The following KIRREL1 variants were observed in gnomAD, a reference collection of about 807,000 sequenced individuals.
KIRREL1 encodes the protein kirre like nephrin family adhesion molecule 1, also known as kin of IRRE-like protein 1.
In KIRREL1, 25 loss-of-function variants were observed where a neutral mutation model predicts 83.3. The observed-to-expected ratio is 0.30, with a 90% confidence interval of 0.22 to 0.42. The LOEUF (loss-of-function observed/expected upper bound fraction) is 0.42, where lower values mean the gene tolerates loss of function less well. Ranked by LOEUF, KIRREL1 falls within the 10% of genes least tolerant of loss-of-function variation. KIRREL1 has a pLI of 1.00. For missense variants in KIRREL1, 812 were observed against 1,032.3 expected, an observed-to-expected ratio of 0.79 and a Z score of 2.92; for synonymous variants, 388 against 410.4, an observed-to-expected ratio of 0.95 and a Z score of 0.66.
intron 1 of KIRREL1, among the ~76,000 whole-genome samples, chr1:158,074,830 C>A (rs1258006254): frequency 6.6e-6 from 1 of 152,138 alleles, no homozygotes; most frequent in African/African-American, 2.4e-5. Context: ...TTTGCTTACA[C>A]ACAGGAGTGA....
intron 1 of KIRREL1, among the ~76,000 whole-genome samples, chr1:157,996,994 GGA>G (rs1469699023): frequency 6.6e-6 from 1 of 152,190 alleles, no homozygotes; most frequent in Non-Finnish European, 1.5e-5. Flanking sequence ...CAGTGAGATG[GGA>G]GGAGGAAGCC....
At chr1:158,050,319 A>G (rs1344097512) in intron 1 of KIRREL1, among the ~76,000 whole-genome samples, 1 of 151,898 alleles carries the variant, frequency 6.6e-6, no homozygotes, top group East Asian at 2.0e-4. Context: ...ATTTAATCCA[A>G]TCCTCTTATT....
At chr1:158,041,164 T>G (rs1049059364) in intron 1 of KIRREL1, among the ~76,000 whole-genome samples, 4 of 152,124 alleles carry the variant, frequency 2.6e-5, no homozygotes, top group Non-Finnish European at 4.4e-5. Flanking sequence ...GGGAACACAA[T>G]AAACTGTGGT....
Position 158,093,358 on chromosome 1 carries a change from C to T in KIRREL1, c.1491C>T (p.Ile497=). ...CGAAAGAGGTGTTACCTGTGGGCAT[C>T]ATAGCTGGGGCCACCATCGGCGCGA... The part of the protein sequence containing the change: ...LEEREVLPVG[I]IAGATIGASI... The change falls in exon 12 of 15, where the codon ATC becomes ATT. Residue 497 remains isoleucine, a synonymous_variant. Coordinates refer to ENST00000359209, the MANE Select transcript of KIRREL1 (RefSeq NM_018240.7). The T allele has an allele frequency of 6.2e-7, 1 of 1,614,214 alleles. No individual in the cohort carries two copies. The highest frequency in any genetic ancestry group is 1.7e-5 in the Admixed American group (1 of 60,028).
chr1:158,067,058 TC>T (rs1428940708), intron 1 of KIRREL1, among the ~76,000 whole-genome samples: 2 of 152,164 alleles, frequency 1.3e-5, no homozygotes, highest in Admixed American at 1.3e-4. Flanking sequence ...CATAGAGCTG[TC>T]CTACTAGGTC....
rs540698449 is a variant in KIRREL1 at position 158,011,763 on chromosome 1, C to T, written c.52+18035C>T. Among the ~76,000 whole-genome samples the T allele has an allele frequency of 9.9e-5, 15 of 152,124 alleles. No individual in the cohort carries two copies. The South Asian group carries it at 2.3e-3, about 23-fold the overall frequency. Reference sequence around the variant, plus strand: ...GTGGAGAGGTGATTGGTGGGAGGACCGGAGGGCAGCAGTGGGGGAAGGAGC... The same window carrying T: ...GTGGAGAGGTGATTGGTGGGAGGACTGGAGGGCAGCAGTGGGGGAAGGAGC... On this transcript the variant is annotated intron_variant, in intron 1 of 14. Coordinates refer to ENST00000359209, the MANE Select transcript of KIRREL1 (RefSeq NM_018240.7).
chr1:158,093,264 C>T, intron 11 of KIRREL1, 75 bp from the exon 12 acceptor site: 2 of 1,268,984 alleles, frequency 1.6e-6, no homozygotes, highest in South Asian at 2.5e-5. Context: ...TGTGGCCTAG[C>T]CTTTAGCCAG....
At chr1:158,086,449 C>CACAG (rs33998011) in intron 4 of KIRREL1, 147 bp from the exon 5 acceptor site, 1 of 667,022 alleles carries the variant, frequency 1.5e-6, no homozygotes, top group Non-Finnish European at 2.5e-6. Context: ...CACACACACA[C>CACAG]AAGGGAAGAG....
At chr1:157,998,840 C>G (rs535573964) in intron 1 of KIRREL1, among the ~76,000 whole-genome samples, 1 of 152,290 alleles carries the variant, frequency 6.6e-6, no homozygotes, top group East Asian at 1.9e-4. Context: ...GAGGTGAACT[C>G]CATACCAAAG....
chr1:158,019,429 G>A (rs1659937654), intron 1 of KIRREL1, among the ~76,000 whole-genome samples: 1 of 152,170 alleles, frequency 6.6e-6, no homozygotes, highest in African/African-American at 2.4e-5. Context: ...GAAAGGATTT[G>A]GAGCATTTTG....
intron 1 of KIRREL1, among the ~76,000 whole-genome samples, chr1:158,036,488 C>T (rs1027738413): frequency 2.6e-5 from 4 of 152,084 alleles, no homozygotes; most frequent in Admixed American, 2.0e-4. Context: ...TTTACAAATG[C>T]GGAAAGGACA....
At chr1:158,013,364 C>A (rs189586733) in intron 1 of KIRREL1, among the ~76,000 whole-genome samples, 14 of 152,094 alleles carry the variant, frequency 9.2e-5, no homozygotes, top group African/African-American at 3.4e-4. Context: ...ACCTGACTTC[C>A]CCTAGAAGCA....
chr1:158,008,305 G>T (rs990419596), intron 1 of KIRREL1, among the ~76,000 whole-genome samples: 17 of 152,128 alleles, frequency 1.1e-4, no homozygotes, highest in African/African-American at 3.1e-4. Flanking sequence ...CAGGCCCCAG[G>T]GGTCTCTGCC....
chr1:158,084,735 T>C (rs1661971184), intron 4 of KIRREL1, among the ~76,000 whole-genome samples, 156 bp downstream of exon 4: 1 of 152,198 alleles, frequency 6.6e-6, no homozygotes, highest in South Asian at 2.1e-4. Context: ...GTTGGGAAAA[T>C]TGAAACCCAG....
chr1:158,049,195 A>G (rs539061768), intron 1 of KIRREL1, among the ~76,000 whole-genome samples: 2 of 152,392 alleles, frequency 1.3e-5, no homozygotes, highest in South Asian at 4.1e-4. Context: ...GGAGCCAGAC[A>G]TCCTTGGTCA....
rs756242765 is a variant in KIRREL1 at position 158,088,054 on chromosome 1, T to C, written c.816T>C (p.Tyr272=). 1 of 1,614,198 alleles carries C rather than the reference T, an allele frequency of 6.2e-7. No individual in the cohort carries two copies. The highest frequency in any genetic ancestry group is 1.1e-5 in the South Asian group (1 of 91,088). ...TTGAAGACGCCCACGAGAGTCGCTA[T>C]GAGACAAATGTGGATTATTCCTTTT... ...FLIEDAHESR[Y]ETNVDYSFFT... Residue 272 remains tyrosine (Y), a synonymous_variant, in exon 7 of 15, where the codon TAT becomes TAC. Transcript: ENST00000359209.
At chr1:158,012,628 C>G (rs1659719017) in intron 1 of KIRREL1, among the ~76,000 whole-genome samples, 1 of 152,148 alleles carries the variant, frequency 6.6e-6, no homozygotes, top group East Asian at 1.9e-4. Context: ...GTCTGTGTGA[C>G]CTTGTGCAAG....
intron 1 of KIRREL1, among the ~76,000 whole-genome samples, chr1:158,032,187 A>G (rs1660347411): frequency 6.6e-6 from 1 of 152,204 alleles, no homozygotes; most frequent in South Asian, 2.1e-4. Context: ...GGAACTGGGG[A>G]CTGGTGTCCA....
chr1:158,078,215 T>C, intron 3 of KIRREL1, 75 bp downstream of exon 3: 1 of 1,471,736 alleles, frequency 6.8e-7, no homozygotes, highest in Admixed American at 1.8e-5. Context: ...CACTCTCCAG[T>C]TCCCTCTTTA....
Sources: gnomAD v4.1 joint callset for allele counts (sites outside exome capture counted in the v4.1 genomes callset) on GRCh38, gnomAD v4.1.1 for gene constraint, MANE v1.5 for transcripts, NCBI Gene and HGNC (gene_info 2026-07-23, HGNC 2026-07-21) for gene names.